CTNNBIP1: variants seen among roughly 807,000 people sequenced by gnomAD.
The protein encoded by CTNNBIP1 is catenin beta interacting protein 1, also known as beta-catenin-interacting protein 1.
A neutral mutation model predicts 11.8 loss-of-function variants in CTNNBIP1; 7 were observed. The ratio of observed to expected loss-of-function variants is 0.60; its 90% CI spans 0.34 to 1.12. The LOEUF (loss-of-function observed/expected upper bound fraction) is 1.12, where lower values mean the gene tolerates loss of function less well. Ranked by LOEUF, CTNNBIP1 falls within the 50% of genes most tolerant of loss-of-function variation. CTNNBIP1 has a pLI of 0.03. For missense variants in CTNNBIP1, 101 were observed against 113.4 expected, an observed-to-expected ratio of 0.89 and a Z score of 0.50; for synonymous variants, 58 against 43.9, an observed-to-expected ratio of 1.32 and a Z score of -1.26.
At chr1:9,887,173 T>C (rs1639205223) in intron 1 of CTNNBIP1, among the ~76,000 whole-genome samples, 1 of 152,220 alleles carries the variant, frequency 6.6e-6, no homozygotes, top group Non-Finnish European at 1.5e-5. Flanking sequence ...TAATTACTGT[T>C]GTCACCACAG....
intron 3 of CTNNBIP1, among the ~76,000 whole-genome samples, chr1:9,875,680 C>T (rs1470883276): frequency 1.3e-5 from 2 of 152,222 alleles, no homozygotes; most frequent in Non-Finnish European, 1.5e-5. Context: ...TTCTAAAAAG[C>T]GTGGTCATGG....
At chr1:9,881,083 T>C (rs945506033) in intron 2 of CTNNBIP1, among the ~76,000 whole-genome samples, 1 of 152,182 alleles carries the variant, frequency 6.6e-6, no homozygotes, top group African/African-American at 2.4e-5. Flanking sequence ...TTGCTCCAGC[T>C]GGAGTACAGT....
rs1243571007 is a variant in CTNNBIP1, at chr1:9,871,662, C to T, written c.96+307G>A. The stretch of plus-strand genomic sequence containing the variant: ...CCTGTCCTGACAAGTTGTCCCTGAG[C>T]TGCCCCCTGGGAGAGAAGACTTTCG... On this transcript the variant is annotated intron_variant, in intron 4 of 5. Transcript: ENST00000377263. This position sits in a 1 kb window ranked among gnomAD's most constrained non-coding sequence, Gnocchi z 5.2. 2.6e-5 allele frequency among the ~76,000 whole-genome samples: 4 copies of T among 152,286 alleles called. No individual in the cohort carries two copies. In the South Asian group the frequency reaches 8.3e-4, roughly 32 times the overall value.
chr1:9,850,967 G>C (rs1478299026), intron 5 of CTNNBIP1, among the ~76,000 whole-genome samples, 191 bp from the exon 6 acceptor site: 1 of 152,216 alleles, frequency 6.6e-6, no homozygotes, highest in Non-Finnish European at 1.5e-5. Context: ...GACAAGGCTT[G>C]CAACCCTGCT....
At chr1:9,875,801 C>A (rs1438998479) in intron 3 of CTNNBIP1, among the ~76,000 whole-genome samples, 1 of 152,222 alleles carries the variant, frequency 6.6e-6, no homozygotes, top group Admixed American at 6.5e-5. Flanking sequence ...TGTTCCCACC[C>A]TTCCCATTCC....
chr1:9,906,967 G>A (rs1381395945), intron 1 of CTNNBIP1, among the ~76,000 whole-genome samples: 1 of 152,150 alleles, frequency 6.6e-6, no homozygotes, highest in African/African-American at 2.4e-5. Flanking sequence ...AGATGAAATG[G>A]GGTAGAAACT....
rs1038268699 is a variant in CTNNBIP1 at position 9,872,678 on chromosome 1, C to T, written c.-24-590G>A. Among the ~76,000 whole-genome samples, 1 of 152,184 alleles carries T rather than the reference C, an allele frequency of 6.6e-6. No homozygotes were observed. Among genetic ancestry groups the T allele is most frequent in the South Asian group, 2.1e-4 (1 of 4,826 alleles). On this transcript the variant is annotated intron_variant, in intron 3 of 5. Transcript: ENST00000377263. This position sits in a 1 kb window ranked among gnomAD's most constrained non-coding sequence, Gnocchi z 4.0. Reference sequence around the variant, plus strand: ...GTCCCTTGATGGAAAGACGCTGGCCCAGGGTTGCAGGGCTTGCTACCTCAG... The same window carrying T: ...GTCCCTTGATGGAAAGACGCTGGCCTAGGGTTGCAGGGCTTGCTACCTCAG...
Position 9,874,601 on chromosome 1 carries a change from T to TCTGCCCA in CTNNBIP1, c.-24-2520_-24-2514dup, listed in dbSNP as rs1427139900. Among the ~76,000 whole-genome samples the TCTGCCCA allele has an allele frequency of 4.8e-5, 7 of 147,228 alleles. No individual in the cohort carries two copies. The East Asian group carries it at 1.2e-3, about 24-fold the overall frequency. ...CCTGTTGGAGAACTTGCTTATTGTC[T>TCTGCCCA]CTGCCCACTGCCCACTGCCAAGGCC... On this transcript the variant is annotated intron_variant, in intron 3 of 5. Transcript: ENST00000377263.
chr1:9,878,900 A>T (rs1174659690), intron 2 of CTNNBIP1, among the ~76,000 whole-genome samples: 15 of 152,204 alleles, frequency 9.9e-5, no homozygotes, highest in Non-Finnish European at 2.1e-4. Flanking sequence ...CACGTTCTGT[A>T]AAAGGTGCGT....
At position 9,883,351 on chromosome 1, in the gene CTNNBIP1, G is replaced by C. The variant is rs1639121822; in HGVS notation, c.-110+354C>G. Among the ~76,000 whole-genome samples, 1 of 152,138 alleles carries C rather than the reference G, an allele frequency of 6.6e-6. No homozygotes were observed. The highest frequency in any genetic ancestry group is 6.5e-5 in the Admixed American group (1 of 15,286). On this transcript the variant is annotated intron_variant, in intron 2 of 5. Coordinates refer to ENST00000377263, the MANE Select transcript of CTNNBIP1 (RefSeq NM_020248.3). The surrounding 1 kb of genome is among the most constrained non-coding windows in gnomAD (Gnocchi z 5.6). ...CAGGTGCAGGGCAGAGAGGGAGCAA[G>C]AACAGTGAGAGCTGCTCCCGAGAGG...
chr1:9,881,244 AG>A (rs1484446877), intron 2 of CTNNBIP1, among the ~76,000 whole-genome samples: 1 of 150,634 alleles, frequency 6.6e-6, no homozygotes, highest in African/African-American at 2.4e-5. Flanking sequence ...GATGTTGCCC[AG>A]GGTGGTCTTG....
At chr1:9,877,181 G>A (rs1638984997) in intron 3 of CTNNBIP1, among the ~76,000 whole-genome samples, 1 of 152,202 alleles carries the variant, frequency 6.6e-6, no homozygotes, top group African/African-American at 2.4e-5. Flanking sequence ...GAGGGACCTG[G>A]AGAACAAGAC....
At position 9,879,058 on chromosome 1, in the gene CTNNBIP1, G is replaced by A. The variant is rs149173747; in HGVS notation, c.-109-1069C>T. 1.3e-4 allele frequency among the ~76,000 whole-genome samples: 20 copies of A among 152,190 alleles called. No homozygotes were observed. In the East Asian group the frequency reaches 2.3e-3, roughly 18 times the overall value. On this transcript the variant is annotated intron_variant, in intron 2 of 5. Coordinates refer to ENST00000377263, the MANE Select transcript of CTNNBIP1 (RefSeq NM_020248.3). ...TAAAAATACAAAAAATTAGCTGGAC[G>A]TGGTGGCGGGCGCCTGTAATCCCAG...
intron 2 of CTNNBIP1, among the ~76,000 whole-genome samples, chr1:9,880,557 G>C (rs569601194): frequency 1.2e-4 from 19 of 152,342 alleles, no homozygotes; most frequent in African/African-American, 4.1e-4. Context: ...TTGCCACACT[G>C]TCTTCCACAA....
At chr1:9,874,259 C>A (rs1217801356) in intron 3 of CTNNBIP1, among the ~76,000 whole-genome samples, 1 of 152,114 alleles carries the variant, frequency 6.6e-6, no homozygotes, top group African/African-American at 2.4e-5. Context: ...GGTGTAAAGG[C>A]ACCTTCCTAG....
rs1251882134 is a variant in CTNNBIP1, at chr1:9,871,949, G to A, written c.96+20C>T. 1 of 1,610,542 alleles carries A rather than the reference G, an allele frequency of 6.2e-7. No individual in the cohort carries two copies. Among genetic ancestry groups the A allele is most frequent in the South Asian group, 1.1e-5 (1 of 90,994 alleles). On this transcript the variant is annotated intron_variant, in intron 4 of 5. Coordinates refer to ENST00000377263, the MANE Select transcript of CTNNBIP1 (RefSeq NM_020248.3). The surrounding 1 kb of genome is among the most constrained non-coding windows in gnomAD (Gnocchi z 5.2). ...GACCCTCCCTGGGGGCCCGCTGCCTGACACCCCACAGGCACTCACGTTTGA... is the reference window on the plus strand; with the variant it reads ...GACCCTCCCTGGGGGCCCGCTGCCTAACACCCCACAGGCACTCACGTTTGA...
Position 9,869,522 on chromosome 1 carries a change from G to A in CTNNBIP1, c.187+1665C>T, listed in dbSNP as rs184006260. 8.4e-4 allele frequency among the ~76,000 whole-genome samples: 127 copies of A among 152,024 alleles called. 1 individual carries two copies. The highest frequency in any genetic ancestry group is 3.0e-3 in the African/African-American group (126 of 41,464). On this transcript the variant is annotated intron_variant, in intron 5 of 5. Coordinates refer to ENST00000377263, the MANE Select transcript of CTNNBIP1 (RefSeq NM_020248.3). Reference sequence around the variant, plus strand: ...GTATTTTTAGTAGAGATGGGGTTTCGCCACGTTGGTCAGGCTGGTCTAGAA... The same window carrying A: ...GTATTTTTAGTAGAGATGGGGTTTCACCACGTTGGTCAGGCTGGTCTAGAA...
intron 5 of CTNNBIP1, among the ~76,000 whole-genome samples, chr1:9,866,619 G>T (rs1225943940): frequency 1.3e-5 from 2 of 151,408 alleles, no homozygotes; most frequent in African/African-American, 4.9e-5. Context: ...GGTGGGGGCT[G>T]CAGTGAGCCG....
chr1:9,872,881 G>A lies in CTNNBIP1; in HGVS notation c.-24-793C>T, dbSNP rs180728354. Reference sequence around the variant, plus strand: ...GGAAGCTGGGTATGGAGGGGCTTGGGTTACACACTGGTAACTCCTGGATGA... The same window carrying A: ...GGAAGCTGGGTATGGAGGGGCTTGGATTACACACTGGTAACTCCTGGATGA... On this transcript the variant is annotated intron_variant, in intron 3 of 5. Transcript: ENST00000377263. The surrounding 1 kb of genome is among the most constrained non-coding windows in gnomAD (Gnocchi z 4.0). Among the ~76,000 whole-genome samples, 7 of 152,296 alleles carry A rather than the reference G, an allele frequency of 4.6e-5. No individual in the cohort carries two copies. The highest frequency in any genetic ancestry group is 1.2e-4 in the African/African-American group (5 of 41,538).
Sources: gnomAD v4.1 joint callset for allele counts (sites outside exome capture counted in the v4.1 genomes callset) on GRCh38, gnomAD v4.1.1 for gene constraint, Gnocchi (gnomAD v3.1) non-coding constraint, MANE v1.5 for transcripts, NCBI Gene and HGNC (gene_info 2026-07-23, HGNC 2026-07-21) for gene names.